The following CDH12 variants were observed in gnomAD, a reference collection of about 807,000 sequenced individuals.
CDH12 encodes cadherin 12.
CDH12 carries 41 observed loss-of-function variants against 74.1 expected under a neutral mutation model. The observed-to-expected ratio is 0.55, with a 90% CI of 0.43 to 0.72. The LOEUF (loss-of-function observed/expected upper bound fraction) is 0.72, where lower values mean the gene tolerates loss of function less well. Ranked by LOEUF, CDH12 falls within the 30% of genes least tolerant of loss-of-function variation. CDH12 has a pLI of 0.00. For synonymous variants in CDH12, 399 were observed against 355.0 expected (o/e 1.12, Z -1.39); for missense variants, 945 against 977.2 (o/e 0.97, Z 0.44).
intron 10 of CDH12, among the ~76,000 whole-genome samples, chr5:21,798,647 T>C (rs143683032): frequency 6.6e-6 from 1 of 151,510 alleles, no homozygotes; most frequent in Non-Finnish European, 1.5e-5. Flanking sequence ...ATAGGATTAG[T>C]GCCCTTCTAA....
At chr5:22,242,679 T>A (rs535187960) in intron 3 of CDH12, among the ~76,000 whole-genome samples, 1 of 152,260 alleles carries the variant, frequency 6.6e-6, no homozygotes, top group East Asian at 1.9e-4. Flanking sequence ...TCTTTTTAAT[T>A]TTTCTTCTAG....
At chr5:22,553,690 C>A (rs184074054) in intron 1 of CDH12, among the ~76,000 whole-genome samples, 5 of 152,204 alleles carry the variant, frequency 3.3e-5, no homozygotes, top group Non-Finnish European at 4.4e-5. Flanking sequence ...GACAAAATAT[C>A]ACTTCTTCCC....
At chr5:21,784,978 T>G (rs1459461462) in intron 10 of CDH12, among the ~76,000 whole-genome samples, 1 of 152,144 alleles carries the variant, frequency 6.6e-6, no homozygotes, top group Non-Finnish European at 1.5e-5. Flanking sequence ...GAAAGTTTGT[T>G]GCAACCCTGT....
At chr5:22,347,227 G>A (rs1208668766) in intron 3 of CDH12, among the ~76,000 whole-genome samples, 1 of 152,146 alleles carries the variant, frequency 6.6e-6, no homozygotes, top group East Asian at 1.9e-4. Context: ...TTGAGTCAGT[G>A]AACTGGGAGA....
At chr5:21,973,256 A>C (rs1756930951) in intron 6 of CDH12, among the ~76,000 whole-genome samples, 1 of 152,144 alleles carries the variant, frequency 6.6e-6, no homozygotes, top group African/African-American at 2.4e-5. Flanking sequence ...AAATCAATTT[A>C]AGTATTTACT....
intron 6 of CDH12, among the ~76,000 whole-genome samples, chr5:21,920,923 T>A (rs911109809): frequency 1.3e-5 from 2 of 152,126 alleles, no homozygotes; most frequent in Non-Finnish European, 2.9e-5. Context: ...GTTTAGATAG[T>A]CAAATCTGCT....
chr5:21,843,718 AATCCAAT>A (rs1385976933), intron 7 of CDH12, among the ~76,000 whole-genome samples: 9 of 151,868 alleles, frequency 5.9e-5, no homozygotes, highest in Non-Finnish European at 1.2e-4. Context: ...ACACCTTTTT[AATCCAAT>A]GTGTTTGTCC....
intron 1 of CDH12, among the ~76,000 whole-genome samples, chr5:22,732,813 C>T (rs1744501167): frequency 6.6e-6 from 1 of 151,772 alleles, no homozygotes. Context: ...CCTGCTGATA[C>T]CTTGGTCACA....
intron 2 of CDH12, among the ~76,000 whole-genome samples, chr5:22,426,525 C>T (rs901832699): frequency 6.6e-6 from 1 of 151,874 alleles, no homozygotes; most frequent in African/African-American, 2.4e-5. Context: ...GCAAGAACCC[C>T]CCGAATATTC....
intron 4 of CDH12, among the ~76,000 whole-genome samples, chr5:22,208,877 T>C (rs1751374196): frequency 6.6e-6 from 1 of 152,246 alleles, no homozygotes; most frequent in Non-Finnish European, 1.5e-5. Context: ...GGAGGTAATG[T>C]GTACATATAC....
intron 5 of CDH12, among the ~76,000 whole-genome samples, chr5:22,076,907 C>T (rs189851844): frequency 3.3e-5 from 5 of 152,152 alleles, no homozygotes; most frequent in Admixed American, 3.3e-4. Context: ...CTTTGACATT[C>T]TACTCAACCT....
chr5:22,059,252 A>AAT (rs1740984491), intron 5 of CDH12, among the ~76,000 whole-genome samples: 1 of 114,942 alleles, frequency 8.7e-6, no homozygotes, highest in Non-Finnish European at 1.8e-5. Flanking sequence ...TTTTCCTTGT[A>AAT]CTCTATCTAT....
chr5:22,757,334 A>T lies in CDH12; in HGVS notation c.-523+95724T>A, dbSNP rs1745978288. On this transcript the variant is annotated intron_variant, in intron 1 of 14. Transcript: ENST00000382254. ...ACCTTGCTTAAACATTTAGGGTTTC[A>T]CTGTTACAGAGTCAGAATTGACTCC... is the stretch of plus-strand genomic sequence containing the variant. Among the ~76,000 whole-genome samples, 2 of 152,206 alleles carry T rather than the reference A, an allele frequency of 1.3e-5. 1 individual carries two copies. The highest frequency in any genetic ancestry group is 4.1e-4 in the South Asian group (2 of 4,834).
At chr5:22,264,329 C>T (rs1322108333) in intron 3 of CDH12, among the ~76,000 whole-genome samples, 1 of 151,888 alleles carries the variant, frequency 6.6e-6, no homozygotes, top group Non-Finnish European at 1.5e-5. Flanking sequence ...GAACTTCATT[C>T]CTTTGAAAAA....
chr5:22,225,656 C>G (rs189939850), intron 3 of CDH12, among the ~76,000 whole-genome samples: 1 of 151,952 alleles, frequency 6.6e-6, no homozygotes, highest in Non-Finnish European at 1.5e-5. Flanking sequence ...ATTTGGCATG[C>G]TTTGGTTATG....
Position 22,768,646 on chromosome 5 carries a change from A to T in CDH12, c.-523+84412T>A, listed in dbSNP as rs1289419387. 3.9e-5 allele frequency among the ~76,000 whole-genome samples: 6 copies of T among 152,134 alleles called. No homozygotes were observed. The East Asian group carries it at 7.7e-4, about 20-fold the overall frequency. ...TCAGTTCTTTACTCTATCATCATCT[A>T]TAAAGAGAAGGGAAGTATTAAAAAA... is the stretch of plus-strand genomic sequence containing the variant. On this transcript the variant is annotated intron_variant, in intron 1 of 14. Transcript: ENST00000382254.
intron 5 of CDH12, among the ~76,000 whole-genome samples, chr5:22,044,799 CA>C (rs767968619): frequency 3.9e-5 from 6 of 152,134 alleles, no homozygotes; most frequent in Non-Finnish European, 8.8e-5. Flanking sequence ...TCACCATATA[CA>C]GAAACTAATA....
chr5:21,805,134 A>C (rs1432230882), intron 9 of CDH12, among the ~76,000 whole-genome samples: 1 of 152,152 alleles, frequency 6.6e-6, no homozygotes, highest in Non-Finnish European at 1.5e-5. Context: ...TTTCTTAGGC[A>C]AAAATTAACT....
At chr5:22,583,324 G>A (rs529805381) in intron 1 of CDH12, among the ~76,000 whole-genome samples, 1 of 152,032 alleles carries the variant, frequency 6.6e-6, no homozygotes, top group Non-Finnish European at 1.5e-5. Flanking sequence ...GTCAAATTAA[G>A]TTTTAAAATG....
Sources: gnomAD v4.1 joint callset for allele counts (sites outside exome capture counted in the v4.1 genomes callset) on GRCh38, gnomAD v4.1.1 for gene constraint, MANE v1.5 for transcripts, NCBI Gene and HGNC (gene_info 2026-07-23, HGNC 2026-07-21) for gene names.